TRPV3: variants seen among roughly 807,000 people sequenced by gnomAD.
TRPV3 encodes the protein VRL-3.
Under a neutral mutation model 87.1 loss-of-function variants are expected in TRPV3, and 88 were observed. The ratio of observed to expected loss-of-function variants is 1.01; its 90% confidence interval spans 0.85 to 1.21. The LOEUF (loss-of-function observed/expected upper bound fraction) is 1.21. Among genes scored for constraint, TRPV3 ranks in the 50% most tolerant of loss-of-function variants. The pLI, the probability that TRPV3 is intolerant of heterozygous loss-of-function variation, is 0.00. For synonymous variants in TRPV3, 438 were observed against 423.3 expected, an observed-to-expected ratio of 1.03 and a Z score of -0.43; for missense variants, 1,054 against 1,030.1, an observed-to-expected ratio of 1.02 and a Z score of -0.32.
In TRPV3 at chr17:3,544,718, C is replaced by G. The variant is rs967001489; in HGVS notation, c.225-53G>C. On this transcript the variant is annotated intron_variant, in intron 3 of 17. Coordinates refer to ENST00000576742, the MANE Select transcript of TRPV3 (RefSeq NM_145068.4). ...AGGGTTTTAAAGTTTTAAAATGGGC[C>G]GGGTGAGGTGGCTCATGCATGTAAT... 7.4e-6 allele frequency: 10 copies of G among 1,346,144 alleles called. No individual in the cohort carries two copies. In the South Asian group the frequency reaches 1.1e-4, roughly 15 times the overall value. The allele number at this position is 1,346,144 out of a possible 1,614,324, so 83.4% of individuals were successfully genotyped here.
intron 2 of TRPV3, among the ~76,000 whole-genome samples, chr17:3,551,682 C>T (rs758763334): frequency 6.6e-6 from 1 of 151,988 alleles, no homozygotes; most frequent in Non-Finnish European, 1.5e-5. Flanking sequence ...CTCTGGGCAT[C>T]ACCTTTTCCA....
intron 12 of TRPV3, among the ~76,000 whole-genome samples, chr17:3,526,628 G>T (rs569078554): frequency 1.3e-5 from 2 of 152,124 alleles, no homozygotes; most frequent in Non-Finnish European, 2.9e-5. Flanking sequence ...AATTACAGGC[G>T]TGAGCCACTG....
chr17:3,514,717 T>C (rs1173296630), intron 16 of TRPV3, 45 bp from the exon 17 acceptor site: 1 of 1,455,196 alleles, frequency 6.9e-7, no homozygotes, highest in Non-Finnish European at 9.7e-7. Context: ...AGTGCCTCAC[T>C]GAGTACTAAC....
At chr17:3,542,441 G>T in intron 6 of TRPV3, 81 bp downstream of exon 6, 1 of 1,497,522 alleles carries the variant, frequency 6.7e-7, no homozygotes, top group Non-Finnish European at 9.0e-7. Flanking sequence ...CCTCCACGTG[G>T]CCTGGCCAGC....
At chr17:3,553,134 CCTT>C (rs1376983743) in intron 2 of TRPV3, 1 of 152,576 alleles carries the variant, frequency 6.6e-6, no homozygotes, top group Non-Finnish European at 1.5e-5. Context: ...CGGGACTCCT[CCTT>C]CTCCTTTACC....
Position 3,535,561 on chromosome 17 carries a change from G to A in TRPV3, c.784+12C>T, listed in dbSNP as rs372720794. 1.9e-6 allele frequency: 3 copies of A among 1,584,080 alleles called. No individual in the cohort carries two copies. In the African/African-American group the frequency reaches 4.1e-5, roughly 22 times the overall value. On this transcript the variant is annotated intron_variant, in intron 7 of 17. Coordinates refer to ENST00000576742, the MANE Select transcript of TRPV3 (RefSeq NM_145068.4). ...CCTCCCAGACTCCGCACCGGGCGGG[G>A]GCGGCACCCACCGAAGTAGAAGCCT... is the stretch of plus-strand genomic sequence containing the variant.
intron 15 of TRPV3, 107 bp from the exon 16 acceptor site, chr17:3,516,676 C>A: frequency 1.3e-6 from 1 of 784,866 alleles, no homozygotes. Flanking sequence ...ATGCTTAATG[C>A]ATAGATCGCA....
At chr17:3,516,630 C>G in intron 15 of TRPV3, 61 bp from the exon 16 acceptor site, 1 of 1,248,128 alleles carries the variant, frequency 8.0e-7, no homozygotes, top group Non-Finnish European at 1.2e-6. Flanking sequence ...CACAAGGGCA[C>G]ACACACTGTC....
chr17:3,533,599 A>C (rs2074371703), intron 7 of TRPV3, among the ~76,000 whole-genome samples: 1 of 151,584 alleles, frequency 6.6e-6, no homozygotes, highest in East Asian at 1.9e-4. Context: ...CCCGGGTTCA[A>C]GCTATTCTCC....
chr17:3,520,116 A>G (rs1487286873), intron 14 of TRPV3, among the ~76,000 whole-genome samples: 1 of 152,194 alleles, frequency 6.6e-6, no homozygotes, highest in African/African-American at 2.4e-5. Flanking sequence ...GTGACCCAGA[A>G]AAGGTACCAG....
chr17:3,528,033 C>T lies in TRPV3; in HGVS notation c.1495G>A (p.Val499Met), dbSNP rs1250357395. 1.2e-6 allele frequency: 2 copies of T among 1,613,356 alleles called. No individual in the cohort carries two copies. The highest frequency in any genetic ancestry group is 2.2e-5 in the East Asian group (1 of 44,904). Reference protein sequence around the residue: ...FVLIWAMCISVKEGIAIFLLR... With the variant: ...FVLIWAMCISMKEGIAIFLLR... ...CCGGGTGGCCCACTTACCTCTTTCA[C>T]AGAGATGCACATGGCCCAGATGAGC... The change falls in exon 11 of 18, where the codon GTG (valine) becomes ATG (methionine). Residue 499 changes from valine (V) to methionine (M), a missense_variant. Val to Met is a conservative substitution (Grantham distance 21, BLOSUM62 1). Coordinates refer to ENST00000576742, the MANE Select transcript of TRPV3 (RefSeq NM_145068.4). The surrounding 1 kb of genome is among the most constrained non-coding windows in gnomAD (Gnocchi z 4.2).
chr17:3,551,059 G>A (rs549955504), intron 2 of TRPV3, among the ~76,000 whole-genome samples: 1 of 152,338 alleles, frequency 6.6e-6, no homozygotes, highest in Non-Finnish European at 1.5e-5. Flanking sequence ...AGGGATCAGG[G>A]AGGGCTCTGT....
At chr17:3,551,987 A>G (rs748536771) in intron 2 of TRPV3, among the ~76,000 whole-genome samples, 25 of 143,474 alleles carry the variant, frequency 1.7e-4, no homozygotes, top group Non-Finnish European at 2.8e-4. Context: ...AATTCAAGCA[A>G]TTCTCCTGCC....
intron 2 of TRPV3, among the ~76,000 whole-genome samples, chr17:3,547,131 G>T (rs779669051): frequency 2.0e-5 from 3 of 152,306 alleles, no homozygotes; most frequent in Non-Finnish European, 4.4e-5. Flanking sequence ...GGTACTGGGA[G>T]CTAGGTTTTC....
At chr17:3,532,547 G>A in intron 8 of TRPV3, 110 bp downstream of exon 8, 1 of 1,380,344 alleles carries the variant, frequency 7.2e-7, no homozygotes, top group South Asian at 1.4e-5. Context: ...ACCTTCTCAA[G>A]GCTGAGGCTG....
At chr17:3,534,999 C>T (rs1481721059) in intron 7 of TRPV3, among the ~76,000 whole-genome samples, 2 of 151,960 alleles carry the variant, frequency 1.3e-5, no homozygotes, top group Non-Finnish European at 2.9e-5. Flanking sequence ...CCTCCCAGCC[C>T]CTCCTTCTCT....
intron 6 of TRPV3, 112 bp downstream of exon 6, chr17:3,542,410 G>T: frequency 8.2e-7 from 1 of 1,221,602 alleles, no homozygotes; most frequent in Non-Finnish European, 1.1e-6. Flanking sequence ...ACATGCTTGG[G>T]GCTCCTCAAT....
intron 13 of TRPV3, among the ~76,000 whole-genome samples, chr17:3,522,820 CAAA>C (rs772785322): frequency 4.6e-5 from 3 of 64,704 alleles, no homozygotes; most frequent in Admixed American, 1.7e-4. Context: ...CAGTCACAAA[CAAA>C]AAAAAAAAAA....
chr17:3,550,760 A>G (rs2074566753), intron 2 of TRPV3, among the ~76,000 whole-genome samples: 1 of 151,564 alleles, frequency 6.6e-6, no homozygotes. Context: ...TCCTGACCTC[A>G]TGATCCACCC....
Sources: gnomAD v4.1 joint callset for allele counts (sites outside exome capture counted in the v4.1 genomes callset) on GRCh38, gnomAD v4.1.1 for gene constraint, Gnocchi (gnomAD v3.1) non-coding constraint, MANE v1.5 for transcripts, NCBI Gene and HGNC (gene_info 2026-07-23, HGNC 2026-07-21) for gene names.